Variants in DPY19L3 observed in about 807,000 individuals in gnomAD.
The protein encoded by DPY19L3 is dpy-19 like C-mannosyltransferase 3, also known as protein C-mannosyl-transferase DPY19L3.
A neutral mutation model predicts 92.3 loss-of-function variants in DPY19L3; 51 were observed. That is an observed-to-expected ratio of 0.55 (90% CI 0.44 to 0.70). The LOEUF (loss-of-function observed/expected upper bound fraction) is 0.70, where lower values mean the gene tolerates loss of function less well. Among genes scored for constraint, DPY19L3 ranks in the 30% least tolerant of loss-of-function variants. DPY19L3 has a pLI of 0.00. For missense variants in DPY19L3, 706 were observed against 855.9 expected, an observed-to-expected ratio of 0.82 and a Z score of 2.18; for synonymous variants, 309 against 315.2, an observed-to-expected ratio of 0.98 and a Z score of 0.21.
intron 3 of DPY19L3, among the ~76,000 whole-genome samples, chr19:32,428,821 G>GTT (rs144012951): frequency 2.1e-3 from 310 of 146,276 alleles, no homozygotes; most frequent in East Asian, 3.8e-3. Context: ...TAGCTGTACA[G>GTT]TTTTTTTTTT....
In DPY19L3 at chr19:32,464,719, C is replaced by A; in HGVS notation, c.1558-9C>A. The A allele has an allele frequency of 7.1e-7, 1 of 1,412,450 alleles. No homozygotes were observed. Among genetic ancestry groups the A allele is most frequent in the South Asian group, 1.3e-5 (1 of 77,042 alleles). The allele number at this position is 1,412,450 out of a possible 1,614,324, so 87.5% of individuals were successfully genotyped here. A position where few individuals can be genotyped will look rare whatever the true frequency, so the allele number is the denominator to read the frequency against. On this transcript the variant is annotated splice_polypyrimidine_tract_variant and intron_variant, in intron 14 of 18. Transcript: ENST00000392250. ...TACTTATAATCTAAATAATGTCTTT[C>A]TTATATAGATATGTATAATGCGATA...
At position 32,437,284 on chromosome 19, in the gene DPY19L3, C is replaced by G. The variant is rs1199649305; in HGVS notation, c.541C>G (p.Leu181Val). The change falls in exon 6 of 19, where the codon CTC becomes GTC. Residue 181 changes from leucine (L) to valine (V), a missense_variant. By Grantham distance (32) the Leu-to-Val change is conservative. Coordinates refer to ENST00000392250, the MANE Select transcript of DPY19L3 (RefSeq NM_001172774.2). ...VTALYITSWLLSGTWLSGLLA... is the reference protein window; with the variant it reads ...VTALYITSWLVSGTWLSGLLA... Reference sequence around the variant, plus strand: ...AGCTCTCTACATAACCAGCTGGCTACTCAGTGGTACATGGCTGTCAGGACT... The same window carrying G: ...AGCTCTCTACATAACCAGCTGGCTAGTCAGTGGTACATGGCTGTCAGGACT... The G allele has an allele frequency of 6.2e-7, 1 of 1,614,130 alleles. No homozygotes were observed. Among genetic ancestry groups the G allele is most frequent in the South Asian group, 1.1e-5 (1 of 91,082 alleles).
intron 4 of DPY19L3, among the ~76,000 whole-genome samples, chr19:32,434,268 C>T (rs1444705323): frequency 6.6e-6 from 1 of 152,168 alleles, no homozygotes; most frequent in Non-Finnish European, 1.5e-5. Flanking sequence ...GACACTCTGC[C>T]TCCTTGTCTC....
At chr19:32,452,491 C>A (rs1969734104) in intron 8 of DPY19L3, among the ~76,000 whole-genome samples, 1 of 152,174 alleles carries the variant, frequency 6.6e-6, no homozygotes, top group Non-Finnish European at 1.5e-5. Flanking sequence ...TATTGGTGGT[C>A]ATAAACAGTA....
At chr19:32,434,858 C>T (rs1969086414) in intron 4 of DPY19L3, among the ~76,000 whole-genome samples, 2 of 152,002 alleles carry the variant, frequency 1.3e-5, no homozygotes, top group Non-Finnish European at 2.9e-5. Flanking sequence ...AAGAGAAGAG[C>T]GAGTTCTCTG....
intron 8 of DPY19L3, among the ~76,000 whole-genome samples, 161 bp from the exon 9 acceptor site, chr19:32,452,984 G>C (rs1047820006): frequency 2.6e-5 from 4 of 151,898 alleles, no homozygotes; most frequent in Non-Finnish European, 4.4e-5. Context: ...TGAGATTACA[G>C]ATGTGAGCCA....
rs183538905 is a variant in DPY19L3 at position 32,468,635 on chromosome 19, A to G, written c.1615-96A>G. The G allele has an allele frequency of 3.1e-4, 477 of 1,522,544 alleles. No individual in the cohort carries two copies. In the African/African-American group the frequency reaches 5.2e-3, roughly 17 times the overall value. 94.3% of individuals were successfully genotyped at this position (1,522,544 alleles called of 1,614,324 possible). The stretch of plus-strand genomic sequence containing the variant: ...GTAGCTATGTTTATTTAGTTCACAC[A>G]TTATATGCAGTTTATCTTTTTTTCA... On this transcript the variant is annotated intron_variant, in intron 15 of 18. Coordinates refer to ENST00000392250, the MANE Select transcript of DPY19L3 (RefSeq NM_001172774.2).
At chr19:32,430,926 C>G (rs1053636958) in intron 3 of DPY19L3, among the ~76,000 whole-genome samples, 1 of 151,954 alleles carries the variant, frequency 6.6e-6, no homozygotes, top group Non-Finnish European at 1.5e-5. Flanking sequence ...CGCACCCAGC[C>G]TGAGTGGTTC....
Position 32,420,438 on chromosome 19 carries a change from G to T in DPY19L3, c.237+9066G>T, listed in dbSNP as rs114507397. 3.0e-3 allele frequency among the ~76,000 whole-genome samples: 446 copies of T among 150,502 alleles called. 3 individuals are homozygous for T. Among genetic ancestry groups the T allele is most frequent in the African/African-American group, 0.011 (430 of 40,922 alleles). The stretch of plus-strand genomic sequence containing the variant: ...CATTTTAAGTGATTTTTGTTTAGTA[G>T]TTTTGTTTTTTTTTGTTGTTGTTGT... On this transcript the variant is annotated intron_variant, in intron 3 of 18. Coordinates refer to ENST00000392250, the MANE Select transcript of DPY19L3 (RefSeq NM_001172774.2).
intron 13 of DPY19L3, 25 bp from the exon 14 acceptor site, chr19:32,463,844 C>T (rs1970117902): frequency 6.3e-7 from 1 of 1,588,468 alleles, no homozygotes; most frequent in Non-Finnish European, 8.6e-7. Context: ...GTACTTCTGA[C>T]TTGCGCCTGT....
chr19:32,409,306 A>C (rs1021269889), intron 2 of DPY19L3, among the ~76,000 whole-genome samples: 1 of 152,246 alleles, frequency 6.6e-6, no homozygotes, highest in Non-Finnish European at 1.5e-5. Flanking sequence ...ATTGGGATCC[A>C]CGTGCTGTTT....
chr19:32,423,611 A>G (rs1454514498), intron 3 of DPY19L3, among the ~76,000 whole-genome samples: 1 of 151,782 alleles, frequency 6.6e-6, no homozygotes, highest in African/African-American at 2.4e-5. Context: ...GCACCAGTCT[A>G]ATACACAAGA....
At chr19:32,467,997 C>G in intron 15 of DPY19L3, 1 of 984,964 alleles carries the variant, frequency 1.0e-6, no homozygotes, top group South Asian at 4.7e-5. Context: ...ATATTATTCT[C>G]TTTCATTGTA....
At chr19:32,475,830 C>T (rs1041616604) in intron 16 of DPY19L3, among the ~76,000 whole-genome samples, 1 of 152,160 alleles carries the variant, frequency 6.6e-6, no homozygotes, top group Admixed American at 6.5e-5. Context: ...GTTCTTGTTC[C>T]TGGGTCTGTC....
chr19:32,485,057 A>C lies in DPY19L3; in HGVS notation c.*2817A>C, dbSNP rs1970763870. The C allele has an allele frequency of 1.3e-5, 2 of 152,228 alleles. No homozygotes were observed. The highest frequency in any genetic ancestry group is 2.4e-5 in the African/African-American group (1 of 41,458). 9.4% of individuals were successfully genotyped at this position (152,228 alleles called of 1,614,324 possible). ...TCATGTTATTGGTGTGATTTATGTGAGAAGTAGAACTGTAGTCATTGGACC... is the reference window on the plus strand; with the variant it reads ...TCATGTTATTGGTGTGATTTATGTGCGAAGTAGAACTGTAGTCATTGGACC... On this transcript the variant is annotated 3_prime_UTR_variant, in exon 19 of 19. Coordinates refer to ENST00000392250, the MANE Select transcript of DPY19L3 (RefSeq NM_001172774.2).
Position 32,463,387 on chromosome 19 carries a change from C to A in DPY19L3, c.1344C>A (p.Ser448=). ...TCAGTGATTCTACAAATCAACAATC[C>A]GTGGGTAAAATGGAAAAAGGCACAG... ...HNLSDSTNQQ[S]VGKMEKGTVD... Residue 448 remains serine, a synonymous_variant, in exon 13 of 19, where the codon TCC becomes TCA. Coordinates refer to ENST00000392250, the MANE Select transcript of DPY19L3 (RefSeq NM_001172774.2). 1 of 1,613,578 alleles carries A rather than the reference C, an allele frequency of 6.2e-7. No individual in the cohort carries two copies. Among genetic ancestry groups the A allele is most frequent in the Non-Finnish European group, 8.5e-7 (1 of 1,179,704 alleles).
At chr19:32,408,934 T>C (rs905804116) in intron 2 of DPY19L3, among the ~76,000 whole-genome samples, 2 of 152,176 alleles carry the variant, frequency 1.3e-5, no homozygotes, top group Non-Finnish European at 2.9e-5. Flanking sequence ...CTTTTGTAAC[T>C]AAAGCATGGT....
At chr19:32,463,069 C>T (rs768597607) in intron 12 of DPY19L3, among the ~76,000 whole-genome samples, 2 of 120,502 alleles carry the variant, frequency 1.7e-5, no homozygotes, top group Non-Finnish European at 3.7e-5. Flanking sequence ...TTCAGCAATT[C>T]CAAAAAATTT....
intron 3 of DPY19L3, among the ~76,000 whole-genome samples, chr19:32,420,165 G>A (rs528074883): frequency 1.5e-3 from 223 of 152,178 alleles, no homozygotes; most frequent in African/African-American, 5.3e-3. Flanking sequence ...GCTAGTAAAA[G>A]CCTGTTTTCT....
Sources: gnomAD v4.1 joint callset for allele counts (sites outside exome capture counted in the v4.1 genomes callset) on GRCh38, gnomAD v4.1.1 for gene constraint, MANE v1.5 for transcripts, NCBI Gene and HGNC (gene_info 2026-07-23, HGNC 2026-07-21) for gene names.